FBXW7: variants seen among roughly 807,000 people sequenced by gnomAD.
FBXW7 encodes F-box and WD repeat domain containing 7, also known as F-box/WD repeat-containing protein 7.
FBXW7 carries 11 observed loss-of-function variants against 86.3 expected under a neutral mutation model. The ratio of observed to expected loss-of-function variants is 0.13; its 90% confidence interval spans 0.08 to 0.21. The LOEUF (loss-of-function observed/expected upper bound fraction) is 0.21, where lower values mean the gene tolerates loss of function less well. Among genes scored for constraint, FBXW7 ranks in the 10% least tolerant of loss-of-function variants. The probability of loss-of-function intolerance (pLI) is 1.00; values close to 1 mark genes in which losing one functional copy is unlikely to be tolerated. For synonymous variants in FBXW7, 313 were observed against 297.9 expected (o/e 1.05, Z -0.52); for missense variants, 488 against 847.4 (o/e 0.58, Z 5.27).
chr4:152,454,615 T>C (rs555251158), intron 2 of FBXW7, among the ~76,000 whole-genome samples: 2 of 152,222 alleles, frequency 1.3e-5, no homozygotes, highest in South Asian at 4.2e-4. Context: ...GAGGGAACTA[T>C]AATATTTAGG....
intron 4 of FBXW7, among the ~76,000 whole-genome samples, chr4:152,397,367 T>C (rs942739858): frequency 6.6e-6 from 1 of 151,966 alleles, no homozygotes; most frequent in Admixed American, 6.6e-5. Context: ...ATAGGTCATA[T>C]GTAGCTCAAA....
intron 2 of FBXW7, among the ~76,000 whole-genome samples, chr4:152,528,486 G>C (rs1363811826): frequency 6.6e-6 from 1 of 152,176 alleles, no homozygotes; most frequent in African/African-American, 2.4e-5. Context: ...CAGAAATCAA[G>C]TGTTAACTCA....
intron 2 of FBXW7, chr4:152,489,404 G>A (rs916622204): frequency 6.5e-6 from 1 of 152,724 alleles, no homozygotes; most frequent in African/African-American, 2.4e-5. Context: ...GGTAATTCAG[G>A]TACCTCAAGA....
chr4:152,454,168 T>C (rs980913338), intron 2 of FBXW7, among the ~76,000 whole-genome samples: 6 of 151,876 alleles, frequency 4.0e-5, no homozygotes, highest in African/African-American at 1.5e-4. Flanking sequence ...TAATTTGATC[T>C]AAACAGAATC....
intron 4 of FBXW7, among the ~76,000 whole-genome samples, chr4:152,376,874 A>G (rs1405011268): frequency 6.6e-6 from 1 of 152,086 alleles, no homozygotes; most frequent in East Asian, 1.9e-4. Flanking sequence ...TACGGTCTGA[A>G]TATTTCCAGT....
intron 2 of FBXW7, among the ~76,000 whole-genome samples, chr4:152,502,619 G>A (rs898334104): frequency 5.3e-5 from 8 of 151,160 alleles, no homozygotes; most frequent in Non-Finnish European, 8.8e-5. Flanking sequence ...GACAAGAGGA[G>A]GACACATTTT....
At chr4:152,326,340 T>TC in intron 11 of FBXW7, 109 bp from the exon 12 acceptor site, 3 of 812,568 alleles carry the variant, frequency 3.7e-6, no homozygotes, top group Non-Finnish European at 5.7e-6. Context: ...TTAGCTTTTT[T>TC]TTTTTTTTTT....
chr4:152,509,613 A>T (rs1747777170), intron 2 of FBXW7, among the ~76,000 whole-genome samples: 1 of 152,244 alleles, frequency 6.6e-6, no homozygotes, highest in Non-Finnish European at 1.5e-5. Context: ...AGATAAGTCG[A>T]TAACAATCAT....
chr4:152,416,864 T>G (rs1738484124), intron 2 of FBXW7, among the ~76,000 whole-genome samples: 3 of 152,200 alleles, frequency 2.0e-5, no homozygotes, highest in Non-Finnish European at 4.4e-5. Flanking sequence ...TTAATCCCTG[T>G]GTGATACGCC....
intron 4 of FBXW7, among the ~76,000 whole-genome samples, chr4:152,352,150 C>G (rs1391942795): frequency 6.6e-6 from 1 of 152,006 alleles, no homozygotes; most frequent in Non-Finnish European, 1.5e-5. Context: ...AAATTGAAGG[C>G]AAAAGGTTCA....
intron 4 of FBXW7, among the ~76,000 whole-genome samples, chr4:152,381,454 G>A (rs4696318): frequency 0.37 from 56,686 of 151,838 alleles, 11,250 homozygotes; most frequent in African/African-American, 0.51. Context: ...ACCTATGTTA[G>A]ATCTAAAAAT....
chr4:152,397,695 CAAAAAA>C (rs397995836), intron 4 of FBXW7, among the ~76,000 whole-genome samples: 27 of 60,376 alleles, frequency 4.5e-4, no homozygotes, highest in African/African-American at 1.3e-3. Flanking sequence ...CCTAAGAAGC[CAAAAAA>C]AAAAAAAAAA....
chr4:152,382,209 G>A (rs143139196), intron 4 of FBXW7: 7 of 1,551,392 alleles, frequency 4.5e-6, no homozygotes, highest in Non-Finnish European at 6.1e-6. Context: ...CAAAAAGGGA[G>A]GCCTTGGGCA....
intron 2 of FBXW7, among the ~76,000 whole-genome samples, chr4:152,430,297 G>A (rs1447202954): frequency 3.9e-5 from 6 of 152,182 alleles, no homozygotes; most frequent in African/African-American, 9.7e-5. Flanking sequence ...AGCATTATTT[G>A]TATTGAAAGT....
intron 2 of FBXW7, among the ~76,000 whole-genome samples, chr4:152,496,011 TACAA>T (rs1746307984): frequency 6.6e-6 from 1 of 152,078 alleles, no homozygotes; most frequent in Non-Finnish European, 1.5e-5. Flanking sequence ...ACCTCATCTC[TACAA>T]ATAATTTTAA....
chr4:152,498,162 C>T (rs75309978), intron 2 of FBXW7, among the ~76,000 whole-genome samples: 7,202 of 152,110 alleles, frequency 0.047, 280 homozygotes, highest in African/African-American at 0.1. Flanking sequence ...TCTGTCCTTT[C>T]TTTGTATCTT....
intron 6 of FBXW7, among the ~76,000 whole-genome samples, chr4:152,339,054 T>C (rs576299443): frequency 2.0e-5 from 3 of 152,200 alleles, no homozygotes; most frequent in African/African-American, 4.8e-5. Flanking sequence ...TATTTACCCA[T>C]GTGGAATCTA....
At chr4:152,468,457 G>C (rs146642437) in intron 2 of FBXW7, among the ~76,000 whole-genome samples, 1 of 152,136 alleles carries the variant, frequency 6.6e-6, no homozygotes, top group Non-Finnish European at 1.5e-5. Context: ...TACAACATGA[G>C]TGAAGCTTTA....
At chr4:152,352,696 C>A in intron 4 of FBXW7, 1 of 1,613,876 alleles carries the variant, frequency 6.2e-7, no homozygotes, top group Non-Finnish European at 8.5e-7. Flanking sequence ...AAGGCAAATG[C>A]AGCTCAGTAT....
Sources: gnomAD v4.1 joint callset for allele counts (sites outside exome capture counted in the v4.1 genomes callset) on GRCh38, gnomAD v4.1.1 for gene constraint, MANE v1.5 for transcripts, NCBI Gene and HGNC (gene_info 2026-07-23, HGNC 2026-07-21) for gene names.